The following C11orf71 variants were observed in gnomAD, a reference collection of about 807,000 sequenced individuals.
C11orf71 encodes chromosome 11 open reading frame 71, also known as uncharacterized protein C11orf71.
For synonymous variants in C11orf71, 72 were observed against 73.4 expected (o/e 0.98, Z 0.09); for missense variants, 179 against 167.6 (o/e 1.07, Z -0.38).
rs1043223302 is a variant in C11orf71 at position 114,398,868 on chromosome 11, G to A, written c.*1092C>T. On this transcript the variant is annotated 3_prime_UTR_variant, in exon 1 of 1. Transcript: ENST00000623205. Reference sequence around the variant, plus strand: ...TTTAAGGAAGTCTAAACAGACAAGCGTCTGCTGGGAAAAAGCTAGTCTACC... The same window carrying A: ...TTTAAGGAAGTCTAAACAGACAAGCATCTGCTGGGAAAAAGCTAGTCTACC... 6.6e-6 allele frequency: 1 copy of A among 152,020 alleles called. No individual in the cohort carries two copies. Among genetic ancestry groups the A allele is most frequent in the Non-Finnish European group, 1.5e-5 (1 of 67,988 alleles). The allele number at this position is 152,020 out of a possible 1,614,324, so 9.4% of individuals were successfully genotyped here. A position where few individuals can be genotyped will look rare whatever the true frequency, so the allele number is the denominator to read the frequency against.
At position 114,398,752 on chromosome 11, in the gene C11orf71, C is replaced by G. The variant is rs1418841537; in HGVS notation, c.*1208G>C. The G allele has an allele frequency of 1.3e-5, 2 of 152,168 alleles. No individual in the cohort carries two copies. Among genetic ancestry groups the G allele is most frequent in the Non-Finnish European group, 1.5e-5 (1 of 68,036 alleles). The allele number at this position is 152,168 out of a possible 1,614,324, so 9.4% of individuals were successfully genotyped here. ...TTAATCACCCTCTTATGGAAGCTAT[C>G]TTGTTTACTCAACATTCTTCTTAAC... On this transcript the variant is annotated 3_prime_UTR_variant, in exon 1 of 1. Coordinates refer to ENST00000623205, the MANE Select transcript of C11orf71 (RefSeq NM_001271562.2).
chr11:114,398,427 T>TATTTG (rs1425226260), downstream of C11orf71: 1 of 152,028 alleles, frequency 6.6e-6, no homozygotes, highest in Non-Finnish European at 1.5e-5. Context: ...TTGGAAAGTT[T>TATTTG]ATCTCCTTCA....
chr11:114,392,778 GA>G (rs765327976), intron 1 of C11orf71, among the ~76,000 whole-genome samples: 364 of 141,400 alleles, frequency 2.6e-3, no homozygotes, highest in Non-Finnish European at 3.0e-3. Flanking sequence ...TCTTTTTCAG[GA>G]AAAAAAAAAA....
At chr11:114,391,961 C>T (rs1376316312) in intron 1 of C11orf71, among the ~76,000 whole-genome samples, 1 of 150,978 alleles carries the variant, frequency 6.6e-6, no homozygotes, top group African/African-American at 2.4e-5. Context: ...CCAAATTCAG[C>T]ACAACGATTA....
Position 114,399,916 on chromosome 11 carries a change from G to C in C11orf71, c.*44C>G. 1 of 1,525,920 alleles carries C rather than the reference G, an allele frequency of 6.6e-7. No homozygotes were observed. The highest frequency in any genetic ancestry group is 8.8e-7 in the Non-Finnish European group (1 of 1,137,218). 94.5% of individuals were successfully genotyped at this position (1,525,920 alleles called of 1,614,324 possible). A position where few individuals can be genotyped will look rare whatever the true frequency, so the allele number is the denominator to read the frequency against. ...CTACACCAAGAAAGGATTTTAAAAAGGCCTGTTCACAAGCTAAGTGAGGGC... is the reference window on the plus strand; with the variant it reads ...CTACACCAAGAAAGGATTTTAAAAACGCCTGTTCACAAGCTAAGTGAGGGC... On this transcript the variant is annotated 3_prime_UTR_variant, in exon 1 of 1. Coordinates refer to ENST00000623205, the MANE Select transcript of C11orf71 (RefSeq NM_001271562.2).
chr11:114,396,648 T>C (rs1277145805), downstream of C11orf71, among the ~76,000 whole-genome samples: 2 of 152,306 alleles, frequency 1.3e-5, no homozygotes, highest in East Asian at 1.9e-4. Flanking sequence ...TGAATGGAAA[T>C]AGGCAATGAG....
chr11:114,398,816 G>T lies in C11orf71; in HGVS notation c.*1144C>A, dbSNP rs1335119822. 1 of 152,150 alleles carries T rather than the reference G, an allele frequency of 6.6e-6. No individual in the cohort carries two copies. The highest frequency in any genetic ancestry group is 1.9e-4 in the East Asian group (1 of 5,198). 9.4% of individuals were successfully genotyped at this position (152,150 alleles called of 1,614,324 possible). A position where few individuals can be genotyped will look rare whatever the true frequency, so the allele number is the denominator to read the frequency against. On this transcript the variant is annotated 3_prime_UTR_variant, in exon 1 of 1. Transcript: ENST00000623205. ...AATTCAATACTATGTGGTGTATGGA[G>T]ATTTTGCTTTATTTGAAGATAATTA...
rs1284779761 is a variant in C11orf71, at chr11:114,392,535, A to AAG, written c.344-871_344-870insCT. Reference sequence around the variant, plus strand: ...CCTAGGTGATAGAATGAGACAAAAAAAAAAAAAAAAAAAAAGAAGAAGAAG... The same window carrying AAG: ...CCTAGGTGATAGAATGAGACAAAAAAAGAAAAAAAAAAAAAAAGAAGAAGAAG... On this transcript the variant is annotated intron_variant, in intron 1 of 1. Coordinates refer to the C11orf71 transcript ENST00000325636. 2.1e-5 allele frequency among the ~76,000 whole-genome samples: 3 copies of AAG among 145,040 alleles called. No homozygotes were observed. In the East Asian group the frequency reaches 6.1e-4, roughly 29 times the overall value.
At chr11:114,392,732 C>CA (rs200970936) in intron 1 of C11orf71, among the ~76,000 whole-genome samples, 3,105 of 63,926 alleles carry the variant, frequency 0.049, 86 homozygotes, top group Admixed American at 0.17. Flanking sequence ...GATCCTGTCT[C>CA]AAAAAAAAAA....
chr11:114,394,267 CT>C (rs778115460), downstream of C11orf71, among the ~76,000 whole-genome samples: 199 of 63,092 alleles, frequency 3.2e-3, 1 homozygote, highest in Middle Eastern at 0.034. Flanking sequence ...CTTTTCTTTT[CT>C]TTTCTTTTCT....
Position 114,399,688 on chromosome 11 carries a change from G to C in C11orf71, c.*272C>G. Reference sequence around the variant, plus strand: ...GTTAACGAATGGATTGTTGACCTCTGGGGAGGGTGCTCCCATCAGCTCAGC... The same window carrying C: ...GTTAACGAATGGATTGTTGACCTCTCGGGAGGGTGCTCCCATCAGCTCAGC... On this transcript the variant is annotated 3_prime_UTR_variant, in exon 1 of 1. Coordinates refer to ENST00000623205, the MANE Select transcript of C11orf71 (RefSeq NM_001271562.2). 1 of 422,650 alleles carries C rather than the reference G, an allele frequency of 2.4e-6. No individual in the cohort carries two copies. The highest frequency in any genetic ancestry group is 4.2e-6 in the Non-Finnish European group (1 of 238,664). 26.2% of individuals were successfully genotyped at this position (422,650 alleles called of 1,614,324 possible).
downstream of C11orf71, among the ~76,000 whole-genome samples, chr11:114,394,174 G>GTTTCTTTTCTTTTCTTTCT (rs1187890536): frequency 7.7e-5 from 6 of 77,516 alleles, no homozygotes; most frequent in Admixed American, 2.7e-4. Flanking sequence ...TAGAGACGGG[G>GTTTCTTTTCTTTTCTTTCT]TTTCGTTTCT....
At chr11:114,391,539 T>A (rs548576288) in exon 2 of C11orf71, 1 of 1,291,034 alleles carries the variant, frequency 7.7e-7, no homozygotes, top group African/African-American at 1.5e-5. Flanking sequence ...TTAAATAATA[T>A]AAATGTAATT....
chr11:114,395,742 T>C (rs1201818449), downstream of C11orf71, among the ~76,000 whole-genome samples: 1 of 152,238 alleles, frequency 6.6e-6, no homozygotes, highest in Non-Finnish European at 1.5e-5. Flanking sequence ...ATGCCAATTT[T>C]GATCCTCAGT....
At chr11:114,397,457 T>A (rs972361323), downstream of C11orf71, among the ~76,000 whole-genome samples, 1 of 152,240 alleles carries the variant, frequency 6.6e-6, no homozygotes, top group Non-Finnish European at 1.5e-5. Context: ...ACTGCAGATG[T>A]TAAGAACAAG....
downstream of C11orf71, among the ~76,000 whole-genome samples, chr11:114,394,593 C>T (rs1368106719): frequency 5.3e-5 from 8 of 152,098 alleles, no homozygotes; most frequent in East Asian, 1.2e-3. Context: ...CTGCGCCCAG[C>T]GAGACGGGAT....
At chr11:114,395,868 G>C (rs527879443), downstream of C11orf71, among the ~76,000 whole-genome samples, 1 of 152,176 alleles carries the variant, frequency 6.6e-6, no homozygotes, top group African/African-American at 2.4e-5. Context: ...TATCAAACCA[G>C]GAGTGAGAAA....
rs540576834 is a variant in C11orf71, at chr11:114,400,424, G to A, written c.-93C>T. Reference sequence around the variant, plus strand: ...GATCAGTCCAGCCTGTGTCGGACCCGATGACTAAGCACACAGGAACCCATA... The same window carrying A: ...GATCAGTCCAGCCTGTGTCGGACCCAATGACTAAGCACACAGGAACCCATA... On this transcript the variant is annotated 5_prime_UTR_variant, in exon 1 of 1. Coordinates refer to ENST00000623205, the MANE Select transcript of C11orf71 (RefSeq NM_001271562.2). The A allele has an allele frequency of 8.3e-6, 12 of 1,440,260 alleles. No individual in the cohort carries two copies. The highest frequency in any genetic ancestry group is 2.7e-5 in the Admixed American group (1 of 37,708). The allele number at this position is 1,440,260 out of a possible 1,614,324, so 89.2% of individuals were successfully genotyped here.
In C11orf71 at chr11:114,400,346, C is replaced by G. The variant is rs754055816; in HGVS notation, c.-15G>C. ...TTCAGGGCCATATTCAAACACTGCC[C>G]GCAGTACTTGCGTTACGTCCCTTTG... On this transcript the variant is annotated 5_prime_UTR_variant, in exon 1 of 1. Coordinates refer to ENST00000623205, the MANE Select transcript of C11orf71 (RefSeq NM_001271562.2). The G allele has an allele frequency of 3.8e-6, 6 of 1,589,442 alleles. No individual in the cohort carries two copies. Among genetic ancestry groups the G allele is most frequent in the Non-Finnish European group, 5.1e-6 (6 of 1,167,380 alleles).
Sources: allele counts gnomAD v4.1 joint callset (sites outside exome capture counted in the v4.1 genomes callset), GRCh38; gene constraint gnomAD v4.1.1; transcripts MANE v1.5; gene names NCBI Gene and HGNC (gene_info 2026-07-23, HGNC 2026-07-21).